The following ATP11A variants were observed in gnomAD, a reference collection of about 807,000 sequenced individuals.
ATP11A encodes the protein ATPase phospholipid transporting 11A.
In ATP11A, 81 loss-of-function variants were observed where a neutral mutation model predicts 154.4. The observed-to-expected ratio is 0.52, with a 90% CI of 0.44 to 0.63. ATP11A has a LOEUF of 0.63. Among genes scored for constraint, ATP11A ranks in the 30% least tolerant of loss-of-function variants. The probability of loss-of-function intolerance (pLI) is 0.00; values close to 1 mark genes in which losing one functional copy is unlikely to be tolerated. For synonymous variants in ATP11A, 623 were observed against 585.9 expected, an observed-to-expected ratio of 1.06 and a Z score of -0.91; for missense variants, 1,316 against 1,474.3, an observed-to-expected ratio of 0.89 and a Z score of 1.76.
intron 1 of ATP11A, among the ~76,000 whole-genome samples, chr13:112,758,069 G>T (rs1015113931): frequency 6.6e-6 from 1 of 152,180 alleles, no homozygotes; most frequent in Non-Finnish European, 1.5e-5. Flanking sequence ...AGACATTTTT[G>T]TTGTTGTTTT....
chr13:112,784,992 G>C, intron 1 of ATP11A, 143 bp from the exon 2 acceptor site: 1 of 1,116,872 alleles, frequency 9.0e-7, no homozygotes, highest in African/African-American at 1.6e-5. Flanking sequence ...CTGGGCCCCA[G>C]GTCTCCCTGC....
intron 2 of ATP11A, among the ~76,000 whole-genome samples, chr13:112,803,528 T>C (rs1484603382): frequency 1.3e-5 from 2 of 152,220 alleles, no homozygotes; most frequent in African/African-American, 4.8e-5. Flanking sequence ...CGTAAAAACA[T>C]GTCAGATGAA....
intron 2 of ATP11A, among the ~76,000 whole-genome samples, chr13:112,804,602 A>G (rs953650156): frequency 2.0e-5 from 3 of 149,472 alleles, no homozygotes; most frequent in Admixed American, 2.0e-4. Context: ...TCATGCTCTC[A>G]CTCAGAGGAG....
At chr13:112,843,048 T>G (rs2079470390) in intron 17 of ATP11A, among the ~76,000 whole-genome samples, 1 of 150,962 alleles carries the variant, frequency 6.6e-6, no homozygotes, top group African/African-American at 2.4e-5. Context: ...GTCAGACACC[T>G]TAACTCCGGG....
At chr13:112,723,921 TCA>T (rs1296480114) in intron 1 of ATP11A, among the ~76,000 whole-genome samples, 1 of 152,122 alleles carries the variant, frequency 6.6e-6, no homozygotes, top group African/African-American at 2.4e-5. Context: ...AACGCTCGTG[TCA>T]CACGGGCTCG....
intron 1 of ATP11A, among the ~76,000 whole-genome samples, chr13:112,771,947 G>A (rs116921375): frequency 3.3e-5 from 5 of 152,210 alleles, no homozygotes; most frequent in South Asian, 2.1e-4. Flanking sequence ...GGGGTGGTCC[G>A]TGGTCTTACG....
At position 112,857,833 on chromosome 13, in the gene ATP11A, A is replaced by G; in HGVS notation, c.2434A>G (p.Lys812Glu). The change falls in exon 21 of 30, where the codon AAA becomes GAA. Residue 812 changes from lysine (K) to glutamate (E), a missense_variant. Transcript: ENST00000375645. ...TCTTTTGCAGATTGTTAAATTAATC[A>G]AATTTTCAAAAGAGCACCCAATCAC... ...LQKAQIVKLI[K>E]FSKEHPITLA... is the part of the protein sequence containing the mutation. The G allele has an allele frequency of 6.2e-7, 1 of 1,614,090 alleles. No individual in the cohort carries two copies. The highest frequency in any genetic ancestry group is 8.5e-7 in the Non-Finnish European group (1 of 1,179,912).
chr13:112,717,236 T>A (rs1430187437), intron 1 of ATP11A: 1 of 152,260 alleles, frequency 6.6e-6, no homozygotes, highest in Non-Finnish European at 1.5e-5. Flanking sequence ...AAAAGGCTGC[T>A]GGAAAGTAGG....
intron 2 of ATP11A, among the ~76,000 whole-genome samples, chr13:112,789,088 T>A (rs546591128): frequency 6.7e-4 from 102 of 151,996 alleles, no homozygotes; most frequent in African/African-American, 2.2e-3. Flanking sequence ...TGTGTAGACC[T>A]ACTTAATTCA....
chr13:112,878,145 G>T, intron 28 of ATP11A, 72 bp from the exon 29 acceptor site: 1 of 1,406,134 alleles, frequency 7.1e-7, no homozygotes, highest in Non-Finnish European at 1.0e-6. Context: ...TCCGTCTTCC[G>T]ACCGCTTTGC....
At position 112,884,470 on chromosome 13, in the gene ATP11A, A is replaced by T. The variant is rs1408802173; in HGVS notation, c.*2604A>T. On this transcript the variant is annotated 3_prime_UTR_variant, in exon 30 of 30. Transcript: ENST00000375645. ...TTAAAAATTGCTTGGGAAATTATTA[A>T]ATGAATGTGCCTGATGATTTGAAAT... is the stretch of plus-strand genomic sequence containing the variant. The T allele has an allele frequency of 6.6e-6, 1 of 152,384 alleles. No individual in the cohort carries two copies. The highest frequency in any genetic ancestry group is 1.5e-5 in the Non-Finnish European group (1 of 68,050). 9.4% of individuals were successfully genotyped at this position (152,384 alleles called of 1,614,324 possible).
intron 25 of ATP11A, among the ~76,000 whole-genome samples, chr13:112,865,697 C>T (rs548391133): frequency 6.6e-6 from 1 of 152,304 alleles, no homozygotes; most frequent in Admixed American, 6.5e-5. Context: ...CTACAGGCGC[C>T]CGCCACCACG....
intron 1 of ATP11A, among the ~76,000 whole-genome samples, chr13:112,712,200 A>G (rs1472849312): frequency 6.6e-6 from 1 of 152,182 alleles, no homozygotes; most frequent in Non-Finnish European, 1.5e-5. Context: ...ATTTTGCTTC[A>G]CGGTGAAATG....
intron 1 of ATP11A, among the ~76,000 whole-genome samples, chr13:112,749,983 G>A (rs1276956459): frequency 4.7e-5 from 6 of 126,832 alleles, no homozygotes; most frequent in Non-Finnish European, 8.0e-5. Context: ...TGAAGGAAGC[G>A]GGGTTGAATC....
At chr13:112,777,853 C>A (rs2077385885) in intron 1 of ATP11A, among the ~76,000 whole-genome samples, 1 of 151,626 alleles carries the variant, frequency 6.6e-6, no homozygotes, top group African/African-American at 2.4e-5. Flanking sequence ...CGCTCCCTCC[C>A]CATGCGCTCC....
In ATP11A at chr13:112,835,121, T is replaced by TA. The variant is rs112570198; in HGVS notation, c.1631+462dup. 5.3e-3 allele frequency among the ~76,000 whole-genome samples: 800 copies of TA among 152,148 alleles called. 8 individuals are homozygous for TA. The highest frequency in any genetic ancestry group is 0.019 in the African/African-American group (770 of 41,520). On this transcript the variant is annotated intron_variant, in intron 15 of 29. Transcript: ENST00000375645. Reference sequence around the variant, plus strand: ...TCGTGTCGAAAACAGTTTGCACAGTTACGCTTTTCAGTCACCAGTTTGATG... The same window carrying TA: ...TCGTGTCGAAAACAGTTTGCACAGTTAACGCTTTTCAGTCACCAGTTTGATG...
In ATP11A at chr13:112,882,684, G is replaced by A. The variant is rs1019951907; in HGVS notation, c.*818G>A. The A allele has an allele frequency of 1.8e-5, 7 of 399,858 alleles. No individual in the cohort carries two copies. The highest frequency in any genetic ancestry group is 2.1e-5 in the African/African-American group (1 of 48,620). The allele number at this position is 399,858 out of a possible 1,614,324, so 24.8% of individuals were successfully genotyped here. A position where few individuals can be genotyped will look rare whatever the true frequency, so the allele number is the denominator to read the frequency against. ...GTGCCACGTGGGAGGACAAGGCCAC[G>A]CCGGCAGCTTCCAGCCCTGCCGCAG... is the stretch of plus-strand genomic sequence containing the variant. On this transcript the variant is annotated 3_prime_UTR_variant, in exon 30 of 30. Coordinates refer to ENST00000375645, the MANE Select transcript of ATP11A (RefSeq NM_015205.3). This position sits in a 1 kb window ranked among gnomAD's most constrained non-coding sequence, Gnocchi z 5.1.
At chr13:112,864,861 C>T (rs1594218414) in intron 25 of ATP11A, among the ~76,000 whole-genome samples, 1 of 84,202 alleles carries the variant, frequency 1.2e-5, no homozygotes, top group African/African-American at 4.4e-5. Context: ...GATCCATCAC[C>T]ACCTGCGCAG....
intron 2 of ATP11A, among the ~76,000 whole-genome samples, chr13:112,791,401 C>T (rs1025443037): frequency 6.6e-6 from 1 of 152,238 alleles, no homozygotes; most frequent in Non-Finnish European, 1.5e-5. Flanking sequence ...CCCGACAGCC[C>T]CACATGCCTG....
Sources: allele counts gnomAD v4.1 joint callset (sites outside exome capture counted in the v4.1 genomes callset), GRCh38; gene constraint gnomAD v4.1.1; non-coding constraint Gnocchi (gnomAD v3.1); transcripts MANE v1.5; gene names NCBI Gene and HGNC (gene_info 2026-07-23, HGNC 2026-07-21).